The following CHSY3 variants were observed in gnomAD, a reference collection of about 807,000 sequenced individuals.
CHSY3 encodes the protein N-acetylgalactosaminyl-proteoglycan 3-beta-glucuronosyltransferase 3.
In CHSY3, 35 loss-of-function variants were observed where a neutral mutation model predicts 67.2. That is an observed-to-expected ratio of 0.52 (90% confidence interval 0.40 to 0.69). CHSY3 has a LOEUF of 0.69. CHSY3 is among the 30% of genes least tolerant of loss of function. CHSY3 has a pLI of 0.00. For synonymous variants in CHSY3, 474 were observed against 434.7 expected, an observed-to-expected ratio of 1.09 and a Z score of -1.12; for missense variants, 1,069 against 1,138.5, an observed-to-expected ratio of 0.94 and a Z score of 0.88.
At chr5:130,143,816 A>ATATATATATATATATATATATGTGTG (rs1768985442) in intron 2 of CHSY3, among the ~76,000 whole-genome samples, 1 of 100,342 alleles carries the variant, frequency 1.0e-5, no homozygotes, top group African/African-American at 3.9e-5. Flanking sequence ...GTGTGTATAT[A>ATATATATATATATATATATATGTGTG]TATATATATA....
At chr5:129,904,283 CG>C (rs1211676128), upstream of CHSY3, among the ~76,000 whole-genome samples, 1 of 120,730 alleles carries the variant, frequency 8.3e-6, no homozygotes, top group Admixed American at 8.8e-5. Flanking sequence ...GAGGCGCGGA[CG>C]GGGGGCGTCC....
intron 2 of CHSY3, among the ~76,000 whole-genome samples, chr5:130,065,067 A>T (rs2149678758): frequency 6.6e-6 from 1 of 152,272 alleles, no homozygotes; most frequent in East Asian, 1.9e-4. Context: ...TAACTCATTC[A>T]TCTGGAAGAA....
intron 2 of CHSY3, among the ~76,000 whole-genome samples, chr5:129,954,135 C>T (rs1049620578): frequency 6.6e-6 from 1 of 152,078 alleles, no homozygotes; most frequent in Non-Finnish European, 1.5e-5. Context: ...AGTCTTTAAT[C>T]CATCTTGAGT....
intron 2 of CHSY3, among the ~76,000 whole-genome samples, chr5:130,020,496 A>G: frequency 7.5e-6 from 1 of 132,934 alleles, no homozygotes; most frequent in Non-Finnish European, 1.6e-5. Flanking sequence ...GCTCCTCCAC[A>G]TCCTTTTGAT....
chr5:129,982,075 A>G (rs1326052732), intron 2 of CHSY3, among the ~76,000 whole-genome samples: 2 of 152,080 alleles, frequency 1.3e-5, no homozygotes, highest in Admixed American at 6.6e-5. Context: ...AATTCTTTTT[A>G]TACATTGTTC....
At chr5:130,076,304 TTTC>T (rs1766248771) in intron 2 of CHSY3, among the ~76,000 whole-genome samples, 1 of 151,874 alleles carries the variant, frequency 6.6e-6, no homozygotes, top group Non-Finnish European at 1.5e-5. Flanking sequence ...CTGAATCTTT[TTTC>T]TTTCTTTTTT....
At chr5:130,144,282 A>T (rs1487616321) in intron 2 of CHSY3, among the ~76,000 whole-genome samples, 1 of 152,110 alleles carries the variant, frequency 6.6e-6, no homozygotes, top group African/African-American at 2.4e-5. Context: ...CCTGCTACTT[A>T]TCCCCCACAA....
At chr5:130,057,895 GCA>G (rs1407321558) in intron 2 of CHSY3, among the ~76,000 whole-genome samples, 3 of 149,918 alleles carry the variant, frequency 2.0e-5, no homozygotes, top group Admixed American at 2.0e-4. Context: ...ACACATACAT[GCA>G]CACAGAGAGA....
At chr5:130,041,689 T>C (rs1765011060) in intron 2 of CHSY3, among the ~76,000 whole-genome samples, 1 of 152,144 alleles carries the variant, frequency 6.6e-6, no homozygotes. Context: ...GTTCAGGTCA[T>C]TAAATTTTCC....
intron 2 of CHSY3, among the ~76,000 whole-genome samples, chr5:129,922,534 G>A (rs1248537691): frequency 1.3e-5 from 2 of 151,880 alleles, no homozygotes; most frequent in East Asian, 1.9e-4. Context: ...ACTCTAACAG[G>A]CATGAGGTGA....
chr5:129,940,720 A>G (rs1477024969), intron 2 of CHSY3, among the ~76,000 whole-genome samples: 1 of 152,006 alleles, frequency 6.6e-6, no homozygotes, highest in African/African-American at 2.4e-5. Flanking sequence ...TAGTATATAC[A>G]GGTGTATAGA....
At chr5:129,935,319 T>C (rs1009976250) in intron 2 of CHSY3, among the ~76,000 whole-genome samples, 3 of 152,168 alleles carry the variant, frequency 2.0e-5, no homozygotes, top group African/African-American at 7.2e-5. Flanking sequence ...AGACGTTTTT[T>C]GTTTAATTTT....
At chr5:130,047,963 G>C (rs1215525401) in intron 2 of CHSY3, among the ~76,000 whole-genome samples, 1 of 147,914 alleles carries the variant, frequency 6.8e-6, no homozygotes, top group Non-Finnish European at 1.5e-5. Context: ...CCTTTTTTAA[G>C]TAAAAATAAT....
chr5:130,160,480 C>G (rs1769498401), intron 2 of CHSY3, among the ~76,000 whole-genome samples: 1 of 152,182 alleles, frequency 6.6e-6, no homozygotes, highest in African/African-American at 2.4e-5. Flanking sequence ...AAATCCATCC[C>G]TTTGCCCATT....
At chr5:130,067,677 A>G (rs184443398) in intron 2 of CHSY3, among the ~76,000 whole-genome samples, 2 of 152,128 alleles carry the variant, frequency 1.3e-5, no homozygotes, top group Non-Finnish European at 2.9e-5. Context: ...AGGTTAGAGC[A>G]GTAAGATGAG....
chr5:130,113,688 G>A (rs1224678848), intron 2 of CHSY3, among the ~76,000 whole-genome samples: 2 of 152,082 alleles, frequency 1.3e-5, no homozygotes, highest in Non-Finnish European at 2.9e-5. Context: ...TCCAGGAGTG[G>A]CAGGAAGACA....
At chr5:130,006,135 A>G (rs537851016) in intron 2 of CHSY3, among the ~76,000 whole-genome samples, 30 of 152,220 alleles carry the variant, frequency 2.0e-4, no homozygotes, top group Non-Finnish European at 3.5e-4. Context: ...AGAGTAGTCA[A>G]TGAACTTCAC....
chr5:129,930,504 C>T (rs1007482042), intron 2 of CHSY3, among the ~76,000 whole-genome samples: 7 of 89,450 alleles, frequency 7.8e-5, no homozygotes, highest in Non-Finnish European at 1.3e-4. Flanking sequence ...GGAGGCATCA[C>T]TGGCGGGGGG....
intron 2 of CHSY3, among the ~76,000 whole-genome samples, chr5:129,979,108 G>C (rs1460454508): frequency 1.3e-5 from 2 of 149,268 alleles, no homozygotes; most frequent in African/African-American, 2.5e-5. Flanking sequence ...GCTGAGGCAG[G>C]AGAATAGCGT....
Sources: allele counts gnomAD v4.1 joint callset (sites outside exome capture counted in the v4.1 genomes callset), GRCh38; gene constraint gnomAD v4.1.1; transcripts MANE v1.5; gene names NCBI Gene and HGNC (gene_info 2026-07-23, HGNC 2026-07-21).